The following PIWIL4 variants were observed in gnomAD, a reference collection of about 807,000 sequenced individuals.
PIWIL4 encodes the protein piwi-like protein 4.
PIWIL4 carries 50 observed loss-of-function variants against 100.9 expected under a neutral mutation model. The ratio of observed to expected loss-of-function variants is 0.50; its 90% CI spans 0.39 to 0.63. PIWIL4 has a LOEUF of 0.63. Ranked by LOEUF, PIWIL4 falls within the 20% of genes least tolerant of loss-of-function variation. The probability of loss-of-function intolerance (pLI) is 0.00; values close to 1 mark genes in which losing one functional copy is unlikely to be tolerated. For synonymous variants in PIWIL4, 342 were observed against 367.5 expected (o/e 0.93, Z 0.79); for missense variants, 887 against 1,043.3 (o/e 0.85, Z 2.06).
chr11:94,567,863 A>G (rs1192679452), intron 1 of PIWIL4: 2 of 1,045,632 alleles, frequency 1.9e-6, no homozygotes, highest in African/African-American at 1.7e-5. Flanking sequence ...ATTCTCTTCT[A>G]CTTTCTGAGT....
At chr11:94,597,105 T>C (rs1408590041) in intron 10 of PIWIL4, among the ~76,000 whole-genome samples, 4 of 152,338 alleles carry the variant, frequency 2.6e-5, no homozygotes, top group Non-Finnish European at 5.9e-5. Context: ...TTAAAGCTTA[T>C]TAAGTTATAA....
chr11:94,585,563 T>A, intron 6 of PIWIL4, 38 bp downstream of exon 6: 1 of 1,460,816 alleles, frequency 6.8e-7, no homozygotes, highest in Non-Finnish European at 9.5e-7. Context: ...CCGAAATTAT[T>A]ATAATGTGAG....
intron 11 of PIWIL4, 127 bp from the exon 12 acceptor site, chr11:94,601,668 G>A: frequency 2.2e-6 from 2 of 913,464 alleles, no homozygotes; most frequent in African/African-American, 1.7e-5. Context: ...CTGCATCTGT[G>A]TTTTAAGACT....
At position 94,587,032 on chromosome 11, in the gene PIWIL4, T is replaced by C; in HGVS notation, c.717-18T>C. On this transcript the variant is annotated intron_variant, in intron 6 of 19. Transcript: ENST00000299001. The stretch of plus-strand genomic sequence containing the variant: ...ATAACATTGACAATATTCCTTTTTT[T>C]CTTTTTTGTTTTTAAAGATTATCCC... 1 of 1,573,586 alleles carries C rather than the reference T, an allele frequency of 6.4e-7. No homozygotes were observed. The highest frequency in any genetic ancestry group is 1.1e-5 in the South Asian group (1 of 89,060).
intron 15 of PIWIL4, among the ~76,000 whole-genome samples, chr11:94,614,348 C>T (rs867505783): frequency 4.2e-5 from 6 of 141,466 alleles, no homozygotes; most frequent in Admixed American, 2.9e-4. Flanking sequence ...GCTCTTGTCA[C>T]GCAGGCTGGA....
chr11:94,573,626 C>T (rs1948191853), intron 2 of PIWIL4, among the ~76,000 whole-genome samples: 1 of 152,028 alleles, frequency 6.6e-6, no homozygotes, highest in South Asian at 2.1e-4. Context: ...GCCTTGCATC[C>T]CAGGAATGAA....
At chr11:94,569,537 C>T (rs1049985146) in intron 2 of PIWIL4, among the ~76,000 whole-genome samples, 5 of 152,124 alleles carry the variant, frequency 3.3e-5, no homozygotes, top group Non-Finnish European at 7.3e-5. Context: ...TGCCACCACG[C>T]CCAGCTAATT....
chr11:94,589,021 A>T (rs765345167), intron 7 of PIWIL4, 100 bp from the exon 8 acceptor site: 42 of 741,106 alleles, frequency 5.7e-5, no homozygotes, highest in Non-Finnish European at 8.8e-5. Flanking sequence ...AATTTCTGAC[A>T]TTCTGGAGTC....
At position 94,577,270 on chromosome 11, in the gene PIWIL4, T is replaced by G; in HGVS notation, c.299-8T>G. On this transcript the variant is annotated splice_polypyrimidine_tract_variant and splice_region_variant and intron_variant, in intron 3 of 19. Coordinates refer to ENST00000299001, the MANE Select transcript of PIWIL4 (RefSeq NM_152431.3). ...ATTAAAAAATTGTTTTTTGTTTGTC[T>G]TCTTCAGGTTCCAGTGGAATACCTG... is the stretch of plus-strand genomic sequence containing the variant. The G allele has an allele frequency of 6.2e-7, 1 of 1,602,610 alleles. No homozygotes were observed. The highest frequency in any genetic ancestry group is 8.5e-7 in the Non-Finnish European group (1 of 1,173,656).
intron 14 of PIWIL4, 84 bp downstream of exon 14, chr11:94,607,723 C>A (rs1948739184): frequency 7.3e-7 from 1 of 1,361,360 alleles, no homozygotes; most frequent in Non-Finnish European, 1.0e-6. Flanking sequence ...CACATGATCC[C>A]AGAATTATTT....
chr11:94,567,858 C>T lies in PIWIL4; in HGVS notation c.87+253C>T, dbSNP rs528805002. On this transcript the variant is annotated intron_variant, in intron 1 of 19. Coordinates refer to ENST00000299001, the MANE Select transcript of PIWIL4 (RefSeq NM_152431.3). Reference sequence around the variant, plus strand: ...AGATTGGGGACAAATATGTCATTCTCTTCTACTTTCTGAGTTTTAATTTCA... The same window carrying T: ...AGATTGGGGACAAATATGTCATTCTTTTCTACTTTCTGAGTTTTAATTTCA... 6.4e-5 allele frequency: 68 copies of T among 1,056,960 alleles called. No individual in the cohort carries two copies. The African/African-American group carries it at 9.4e-4, about 15-fold the overall frequency. 65.5% of individuals were successfully genotyped at this position (1,056,960 alleles called of 1,614,324 possible).
chr11:94,593,479 C>G (rs374102874), intron 8 of PIWIL4, 39 bp from the exon 9 acceptor site: 11 of 1,595,936 alleles, frequency 6.9e-6, no homozygotes, highest in Non-Finnish European at 8.5e-6. Flanking sequence ...GGCGGTGCTT[C>G]CATGTTAACT....
chr11:94,584,000 C>A (rs1243138936), intron 5 of PIWIL4, among the ~76,000 whole-genome samples: 1 of 152,176 alleles, frequency 6.6e-6, no homozygotes, highest in Non-Finnish European at 1.5e-5. Context: ...GCCCTGGCTC[C>A]ACCCTCAGCC....
In PIWIL4 at chr11:94,570,707, A is replaced by G. The variant is rs918190809; in HGVS notation, c.166+1899A>G. Reference sequence around the variant, plus strand: ...GGAGTTCGAGACCAGCCTGGCTAACATGGTGAAACCCCGTTCCTACTAAAA... The same window carrying G: ...GGAGTTCGAGACCAGCCTGGCTAACGTGGTGAAACCCCGTTCCTACTAAAA... On this transcript the variant is annotated intron_variant, in intron 2 of 19. Coordinates refer to ENST00000299001, the MANE Select transcript of PIWIL4 (RefSeq NM_152431.3). Among the ~76,000 whole-genome samples, 104 of 152,242 alleles carry G rather than the reference A, an allele frequency of 6.8e-4. 1 individual carries two copies. The highest frequency in any genetic ancestry group is 1.5e-5 in the Non-Finnish European group (1 of 68,020).
intron 11 of PIWIL4, among the ~76,000 whole-genome samples, chr11:94,598,983 C>T (rs1435801397): frequency 6.6e-6 from 1 of 152,214 alleles, no homozygotes; most frequent in Non-Finnish European, 1.5e-5. Context: ...GCTGAGATTA[C>T]AGACATGAGC....
chr11:94,597,808 A>C lies in PIWIL4; in HGVS notation c.1273A>C (p.Thr425Pro). The C allele has an allele frequency of 2.5e-6, 4 of 1,609,868 alleles. No homozygotes were observed. Among genetic ancestry groups the C allele is most frequent in the Non-Finnish European group, 3.4e-6 (4 of 1,176,400 alleles). Residue 425 changes from threonine (T) to proline (P), a missense_variant, in exon 11 of 20, where the codon ACC (threonine) becomes CCC (proline). By Grantham distance (38) the Thr-to-Pro change is conservative. Transcript: ENST00000299001. ...ARLVDNIQRN[T>P]NARFELETWG... ...TTAAAACAACTTTATCAACAGGAAT[A>C]CCAATGCTCGCTTTGAACTAGAGAC...
At chr11:94,568,608 C>A in intron 1 of PIWIL4, 122 bp from the exon 2 acceptor site, 1 of 690,432 alleles carries the variant, frequency 1.4e-6, no homozygotes, top group Non-Finnish European at 2.5e-6. Context: ...AGGGTTTTAC[C>A]TGTTAACATT....
At chr11:94,596,537 C>T (rs967061866) in intron 10 of PIWIL4, among the ~76,000 whole-genome samples, 3 of 152,130 alleles carry the variant, frequency 2.0e-5, no homozygotes, top group African/African-American at 7.2e-5. Flanking sequence ...GGGTTTTTCT[C>T]AAACATTTCC....
At position 94,568,807 on chromosome 11, in the gene PIWIL4, C is replaced by A. The variant is rs564802163; in HGVS notation, c.165C>A (p.Asn55Lys). 3 of 1,593,988 alleles carry A rather than the reference C, an allele frequency of 1.9e-6. No homozygotes were observed. Among genetic ancestry groups the A allele is most frequent in the East Asian group, 2.2e-5 (1 of 44,780 alleles). Residue 55 changes from asparagine (N) to lysine (K), a missense_variant and splice_region_variant, in exon 2 of 20, where the codon AAC becomes AAA. Asn to Lys is a moderately conservative substitution (Grantham distance 94). Around this residue, in one of 2 missense-constraint regions of PIWIL4, gnomAD observed 146 missense variants for 113.4 expected, o/e 1.29. Coordinates refer to ENST00000299001, the MANE Select transcript of PIWIL4 (RefSeq NM_152431.3). ...TGGGAACAAGCAGGATCTCAACCAA[C>A]GGTAAGTGCAGCTCAGCCTGTTCAT... is the stretch of plus-strand genomic sequence containing the variant. ...GFLGTSRISTNDKYGISSGDA... is the reference protein window; with the variant it reads ...GFLGTSRISTKDKYGISSGDA...
Sources: gnomAD v4.1 joint callset for allele counts (sites outside exome capture counted in the v4.1 genomes callset) on GRCh38, gnomAD v4.1.1 for gene constraint, gnomAD v4.1.1 regional missense constraint, MANE v1.5 for transcripts, NCBI Gene and HGNC (gene_info 2026-07-23, HGNC 2026-07-21) for gene names.